GSK3B: variants seen among roughly 807,000 people sequenced by gnomAD.
The protein encoded by GSK3B is glycogen synthase kinase 3 beta.
A neutral mutation model predicts 56.4 loss-of-function variants in GSK3B; 15 were observed. The ratio of observed to expected loss-of-function variants is 0.27; its 90% confidence interval spans 0.18 to 0.41. The LOEUF is 0.41. Ranked by LOEUF, GSK3B falls within the 10% of genes least tolerant of loss-of-function variation. The pLI, the probability that GSK3B is intolerant of heterozygous loss-of-function variation, is 1.00. For missense variants in GSK3B, 300 were observed against 513.4 expected (o/e 0.58, Z 4.02); for synonymous variants, 181 against 188.9 (o/e 0.96, Z 0.34).
At chr3:119,913,269 C>T (rs144354960) in intron 5 of GSK3B, among the ~76,000 whole-genome samples, 1 of 152,068 alleles carries the variant, frequency 6.6e-6, no homozygotes, top group Non-Finnish European at 1.5e-5. Flanking sequence ...TGACTCACGG[C>T]GAATATTTCA....
intron 2 of GSK3B, among the ~76,000 whole-genome samples, chr3:119,974,650 A>G (rs1431683998): frequency 6.6e-6 from 1 of 152,200 alleles, no homozygotes; most frequent in Non-Finnish European, 1.5e-5. Context: ...AGCTACTTCA[A>G]TGGACTAAGA....
chr3:120,079,417 G>A (rs1226747906), intron 1 of GSK3B, among the ~76,000 whole-genome samples: 3 of 150,356 alleles, frequency 2.0e-5, no homozygotes, highest in East Asian at 3.9e-4. Flanking sequence ...TTCTTTTTGA[G>A]ACAGTCTTGC....
rs530479503 is a variant in GSK3B, at chr3:119,890,951, A to C, written c.814-14443T>G. On this transcript the variant is annotated intron_variant, in intron 7 of 10. Transcript: ENST00000264235. ...AGACATAATCAAGAGGCATTTAAAA[A>C]ACTTTTCAGCCTCTGAAGTTATTCA... 2.0e-5 allele frequency among the ~76,000 whole-genome samples: 3 copies of C among 152,236 alleles called. No individual in the cohort carries two copies. The South Asian group carries it at 6.2e-4, about 32-fold the overall frequency.
intron 1 of GSK3B, among the ~76,000 whole-genome samples, chr3:120,054,648 TCTC>T (rs1327626871): frequency 6.6e-6 from 1 of 152,160 alleles, no homozygotes; most frequent in African/African-American, 2.4e-5. Flanking sequence ...CATCTTCTCT[TCTC>T]CTACTAAAAA....
intron 4 of GSK3B, among the ~76,000 whole-genome samples, chr3:119,917,959 T>C (rs1188742695): frequency 6.6e-6 from 1 of 152,078 alleles, no homozygotes; most frequent in African/African-American, 2.4e-5. Context: ...TTATGTGTAT[T>C]ATTTCACTTA....
At chr3:120,059,681 A>C (rs1020980513) in intron 1 of GSK3B, among the ~76,000 whole-genome samples, 3 of 152,222 alleles carry the variant, frequency 2.0e-5, no homozygotes, top group African/African-American at 7.2e-5. Context: ...GTTAGGCCAG[A>C]ATCTCACAGC....
intron 2 of GSK3B, among the ~76,000 whole-genome samples, chr3:119,981,525 G>C (rs572090943): frequency 2.0e-5 from 3 of 152,224 alleles, no homozygotes; most frequent in African/African-American, 7.2e-5. Context: ...CTTAGCACCC[G>C]CTGACAAGAT....
In GSK3B at chr3:119,823,236, G is replaced by C; in HGVS notation, c.*3552C>G. ...CTTTCAAAAAAGGCCTTCGTGTTGG[G>C]CACACAGTAAGAATTAAACTGATTT... On this transcript the variant is annotated 3_prime_UTR_variant, in exon 11 of 11. Transcript: ENST00000264235. 4.5e-6 allele frequency: 1 copy of C among 224,282 alleles called. No individual in the cohort carries two copies. The highest frequency in any genetic ancestry group is 6.5e-5 in the East Asian group (1 of 15,436). 13.9% of individuals were successfully genotyped at this position (224,282 alleles called of 1,614,324 possible). A position where few individuals can be genotyped will look rare whatever the true frequency, so the allele number is the denominator to read the frequency against.
intron 3 of GSK3B, among the ~76,000 whole-genome samples, chr3:119,940,464 T>C (rs887133406): frequency 3.3e-5 from 5 of 152,040 alleles, no homozygotes; most frequent in African/African-American, 1.2e-4. Flanking sequence ...TGAGTACATA[T>C]ACATACATAC....
intron 7 of GSK3B, among the ~76,000 whole-genome samples, chr3:119,888,701 C>T (rs1447344487): frequency 1.3e-5 from 2 of 152,042 alleles, no homozygotes; most frequent in Non-Finnish European, 2.9e-5. Context: ...CAAAATAGAG[C>T]CATATTTTTC....
intron 1 of GSK3B, among the ~76,000 whole-genome samples, chr3:120,027,320 T>C (rs1483352918): frequency 6.7e-6 from 1 of 149,284 alleles, no homozygotes; most frequent in African/African-American, 2.5e-5. Flanking sequence ...GAGGTCGCAG[T>C]GAGCCAAGAT....
chr3:120,087,544 AG>A, intron 1 of GSK3B, among the ~76,000 whole-genome samples: 1 of 152,162 alleles, frequency 6.6e-6, no homozygotes, highest in Middle Eastern at 3.4e-3. Context: ...AAAAAAAAAA[AG>A]TGTACTTTTT....
intron 2 of GSK3B, among the ~76,000 whole-genome samples, chr3:119,990,860 G>A (rs542566658): frequency 1.1e-4 from 17 of 152,242 alleles, no homozygotes; most frequent in Admixed American, 3.3e-4. Flanking sequence ...CCCAGGAGGC[G>A]GAGGTTGCAG....
chr3:120,091,320 A>T (rs1230218824), intron 1 of GSK3B, among the ~76,000 whole-genome samples: 1 of 152,202 alleles, frequency 6.6e-6, no homozygotes, highest in African/African-American at 2.4e-5. Flanking sequence ...TTTTAAAGTC[A>T]AAGCTGTCAA....
intron 4 of GSK3B, among the ~76,000 whole-genome samples, chr3:119,918,935 A>G (rs1017311271): frequency 1.3e-5 from 2 of 152,172 alleles, no homozygotes; most frequent in Admixed American, 6.5e-5. Context: ...TAATAAAACA[A>G]TAGAATACAT....
intron 1 of GSK3B, among the ~76,000 whole-genome samples, chr3:120,015,649 C>CAAAAAA (rs61520236): frequency 4.3e-5 from 2 of 46,944 alleles, no homozygotes; most frequent in Non-Finnish European, 8.0e-5. Flanking sequence ...GACTCTGTCT[C>CAAAAAA]AAAAAAAAAA....
intron 9 of GSK3B, among the ~76,000 whole-genome samples, chr3:119,861,769 A>C (rs1261815329): frequency 1.3e-5 from 2 of 152,222 alleles, no homozygotes; most frequent in Non-Finnish European, 2.9e-5. Context: ...AGCACTTTCA[A>C]TAATATACTT....
chr3:120,079,324 A>G (rs2058395091), intron 1 of GSK3B, among the ~76,000 whole-genome samples: 2 of 144,998 alleles, frequency 1.4e-5, no homozygotes. Flanking sequence ...ACACACACAC[A>G]CACACACACA....
chr3:119,846,872 A>C (rs889948109), intron 9 of GSK3B, among the ~76,000 whole-genome samples: 3 of 152,228 alleles, frequency 2.0e-5, no homozygotes, highest in Non-Finnish European at 4.4e-5. Flanking sequence ...AATAGCAAAG[A>C]CTTGGAACCA....
Sources: allele counts gnomAD v4.1 joint callset (sites outside exome capture counted in the v4.1 genomes callset), GRCh38; gene constraint gnomAD v4.1.1; transcripts MANE v1.5; gene names NCBI Gene and HGNC (gene_info 2026-07-23, HGNC 2026-07-21).